The following MUS81 variants were observed in gnomAD, a reference collection of about 807,000 sequenced individuals.
MUS81 encodes the protein MUS81 structure-specific endonuclease subunit.
Under a neutral mutation model 74.2 loss-of-function variants are expected in MUS81, and 69 were observed. The observed-to-expected ratio is 0.93, with a 90% CI of 0.77 to 1.14. The LOEUF is 1.14. MUS81 is among the 50% of genes most tolerant of loss of function. The pLI is 0.00. For missense variants in MUS81, 711 were observed against 726.5 expected, an observed-to-expected ratio of 0.98 and a Z score of 0.25; for synonymous variants, 303 against 300.6, an observed-to-expected ratio of 1.01 and a Z score of -0.08.
downstream of MUS81, chr11:65,866,672 G>A: frequency 1.4e-6 from 1 of 704,734 alleles, no homozygotes; most frequent in Non-Finnish European, 2.6e-6. Flanking sequence ...TGAAGCTCGT[G>A]GTGCAGAGCT....
chr11:65,860,810 G>C lies in MUS81; in HGVS notation c.57G>C (p.Pro19=). The C allele has an allele frequency of 6.5e-7, 1 of 1,546,326 alleles. No individual in the cohort carries two copies. The highest frequency in any genetic ancestry group is 8.7e-7 in the Non-Finnish European group (1 of 1,148,816). The part of the protein sequence containing the change: ...RKRPLPACPN[P]LFVRWLTEWR... The stretch of plus-strand genomic sequence containing the variant: ...GCCCGCTGCCTGCCTGTCCCAACCC[G>C]CTCTTCGTTCGCTGGCTGACCGAGT... The change falls in exon 1 of 16, where the codon CCG becomes CCC. Residue 19 remains proline, a synonymous_variant. Transcript: ENST00000308110.
rs144545452 is a variant in MUS81, at chr11:65,861,906, C to T, written c.352-41C>T. The T allele has an allele frequency of 9.3e-5, 141 of 1,509,208 alleles. No individual in the cohort carries two copies. In the East Asian group the frequency reaches 3.2e-3, roughly 34 times the overall value. The allele number at this position is 1,509,208 out of a possible 1,614,324, so 93.5% of individuals were successfully genotyped here. A position where few individuals can be genotyped will look rare whatever the true frequency, so the allele number is the denominator to read the frequency against. On this transcript the variant is annotated intron_variant, in intron 3 of 15. Coordinates refer to ENST00000308110, the MANE Select transcript of MUS81 (RefSeq NM_025128.5). ...CTGCTGGGGACTTATTCAAAGATGACTGGCTGGCTTTCATGTTCAGAACTC... is the reference window on the plus strand; with the variant it reads ...CTGCTGGGGACTTATTCAAAGATGATTGGCTGGCTTTCATGTTCAGAACTC...
chr11:65,866,441 T>A, downstream of MUS81: 1 of 689,944 alleles, frequency 1.4e-6, no homozygotes. Flanking sequence ...TGAAAACCAC[T>A]AACAGTCCAG....
Position 65,865,994 on chromosome 11 carries a change from G to A in MUS81, c.1598G>A (p.Gly533Glu), listed in dbSNP as rs371206775. 2.5e-6 allele frequency: 4 copies of A among 1,613,934 alleles called. No homozygotes were observed. The highest frequency in any genetic ancestry group is 3.4e-6 in the Non-Finnish European group (4 of 1,179,980). Residue 533 changes from glycine (G) to glutamate (E), a missense_variant, in exon 16 of 16, where the codon GGG (glycine) becomes GAG (glutamate). Physicochemically the swap from Gly to Glu is moderately conservative, Grantham distance 98. Coordinates refer to ENST00000308110, the MANE Select transcript of MUS81 (RefSeq NM_025128.5). The part of the protein sequence containing the change: ...IKCGRLQRNL[G>E]PALSRTLSQL... Reference sequence around the variant, plus strand: ...TGCCTCTCTTCCTGCAGGAATCTGGGGCCTGCTCTGAGCAGGACCTTATCC... The same window carrying A: ...TGCCTCTCTTCCTGCAGGAATCTGGAGCCTGCTCTGAGCAGGACCTTATCC...
Position 65,863,786 on chromosome 11 carries a change from C to T in MUS81, c.962-18C>T, listed in dbSNP as rs374483741. ...TGGTGGGTAGGGGATCGCAAGCTAA[C>T]GGCTGGCTTGTCAGCAGCAAACCCT... On this transcript the variant is annotated intron_variant, in intron 9 of 15. Coordinates refer to ENST00000308110, the MANE Select transcript of MUS81 (RefSeq NM_025128.5). The T allele has an allele frequency of 6.3e-5, 101 of 1,614,014 alleles. No homozygotes were observed. In the African/African-American group the frequency reaches 6.7e-4, roughly 11 times the overall value.
At position 65,861,443 on chromosome 11, in the gene MUS81, A is replaced by G; in HGVS notation, c.351+8A>G. On this transcript the variant is annotated splice_region_variant and intron_variant, in intron 3 of 15. Transcript: ENST00000308110. ...CAGGACTCTTCCATGCCAGTGAGGA[A>G]GGGGCAAGGGGAGTGGAAGGCAAAG... 1 of 1,589,542 alleles carries G rather than the reference A, an allele frequency of 6.3e-7. No individual in the cohort carries two copies. Among genetic ancestry groups the G allele is most frequent in the Non-Finnish European group, 8.6e-7 (1 of 1,166,626 alleles).
Position 65,865,089 on chromosome 11 carries a change from C to T in MUS81, c.1345C>T (p.Pro449Ser), listed in dbSNP as rs1435673037. The T allele has an allele frequency of 6.2e-7, 1 of 1,614,162 alleles. No homozygotes were observed. Among genetic ancestry groups the T allele is most frequent in the Non-Finnish European group, 8.5e-7 (1 of 1,180,028 alleles). Residue 449 changes from proline to serine, a missense_variant, in exon 13 of 16, where the codon CCT (proline) becomes TCT (serine). Physicochemically the swap from Pro to Ser is moderately conservative, Grantham distance 74. Transcript: ENST00000308110. ...PESGAMTSPN[P>S]LCSLLTFSDF... The stretch of plus-strand genomic sequence containing the variant: ...ATCAGGGGCCATGACCTCTCCAAAC[C>T]CTCTCTGCTCACTCCTCACCTTCAG...
At chr11:65,862,934 G>A (rs1859668058) in intron 6 of MUS81, 131 bp from the exon 7 acceptor site, 1 of 1,143,234 alleles carries the variant, frequency 8.7e-7, no homozygotes, top group Non-Finnish European at 1.3e-6. Flanking sequence ...ACCAGGAGGA[G>A]CAGGAGCCAC....
At chr11:65,864,177 C>A (rs1006362058) in intron 10 of MUS81, 10 of 587,186 alleles carry the variant, frequency 1.7e-5, no homozygotes, top group Non-Finnish European at 2.7e-5. Flanking sequence ...AAGGCATAAA[C>A]CTCCAGGAGT....
chr11:65,865,066 CAG>C lies in MUS81; in HGVS notation c.1323_1324del (p.Ala443HisfsTer15), dbSNP rs1859770275. 2 of 1,613,998 alleles carry C rather than the reference CAG, an allele frequency of 1.2e-6. No homozygotes were observed. Among genetic ancestry groups the C allele is most frequent in the South Asian group, 1.1e-5 (1 of 91,088 alleles). ...TGGGGAACCCCTGGGAACCCTGAAT[CAG>C]GGGCCATGACCTCTCCAAACCCTCT... is the stretch of plus-strand genomic sequence containing the variant. On this transcript the variant is annotated frameshift_variant, in exon 13 of 16. Coordinates refer to ENST00000308110, the MANE Select transcript of MUS81 (RefSeq NM_025128.5). LOFTEE classifies it high-confidence loss of function.
At chr11:65,863,369 A>G in intron 7 of MUS81, 41 bp from the exon 8 acceptor site, 1 of 1,611,922 alleles carries the variant, frequency 6.2e-7, no homozygotes, top group South Asian at 1.1e-5. Context: ...CTGCCCTGGC[A>G]CAAGGGGTTC....
intron 2 of MUS81, 85 bp from the exon 3 acceptor site, chr11:65,861,265 C>CGTAA: frequency 6.5e-7 from 1 of 1,532,382 alleles, no homozygotes; most frequent in Non-Finnish European, 8.9e-7. Flanking sequence ...ACCGGTCTCA[C>CGTAA]GTAACCATCT....
downstream of MUS81, chr11:65,867,047 G>T: frequency 6.2e-7 from 1 of 1,614,174 alleles, no homozygotes; most frequent in Non-Finnish European, 8.5e-7. Context: ...CCGGCCGGGC[G>T]AGGACCAGCA....
chr11:65,867,063 C>T, downstream of MUS81: 2 of 1,614,134 alleles, frequency 1.2e-6, no homozygotes, highest in Non-Finnish European at 1.7e-6. Flanking sequence ...CAGCATGGCG[C>T]TGACGTTGTT....
At position 65,860,974 on chromosome 11, in the gene MUS81, C is replaced by T. The variant is rs766974550; in HGVS notation, c.137C>T (p.Ala46Val). ...GGTACCCTACCCCTGCCCGGCCAGG[C>T]GCTGCGTTCCCTCCGACGGTACCCA... is the stretch of plus-strand genomic sequence containing the variant. ...RRRTRFVFQKALRSLRRYPLP... is the reference protein window; with the variant it reads ...RRRTRFVFQKVLRSLRRYPLP... Residue 46 changes from alanine to valine, a missense_variant and splice_region_variant, in exon 2 of 16, where the codon GCG (alanine) becomes GTG (valine). Transcript: ENST00000308110. 1.2e-6 allele frequency: 2 copies of T among 1,611,598 alleles called. No homozygotes were observed. The highest frequency in any genetic ancestry group is 1.7e-5 in the Admixed American group (1 of 59,982).
intron 6 of MUS81, 101 bp downstream of exon 6, chr11:65,862,630 G>GC (rs1040978370): frequency 2.4e-5 from 27 of 1,132,760 alleles, no homozygotes; most frequent in East Asian, 1.7e-4. Flanking sequence ...TTGAGATTGG[G>GC]GGGGGTGGGC....
chr11:65,862,448 C>G lies in MUS81; in HGVS notation c.524C>G (p.Ala175Gly). ...QRCAQKSPRV[A>G]PGSARPWPAL... ...GGTCTCTTTTCTGATCCACAGGTAG[C>G]CCCTGGGAGTGCTCGACCCTGGCCA... Residue 175 changes from alanine to glycine, a missense_variant, in exon 6 of 16, where the codon GCC (alanine) becomes GGC (glycine). Transcript: ENST00000308110. 1.2e-6 allele frequency: 2 copies of G among 1,613,320 alleles called. No individual in the cohort carries two copies. Among genetic ancestry groups the G allele is most frequent in the Non-Finnish European group, 1.7e-6 (2 of 1,179,392 alleles).
Position 65,866,196 on chromosome 11 carries a change from C to T in MUS81, c.*144C>T, listed in dbSNP as rs944618018. The T allele has an allele frequency of 6.4e-6, 5 of 780,722 alleles. No individual in the cohort carries two copies. The African/African-American group carries it at 8.8e-5, about 14-fold the overall frequency. The allele number at this position is 780,722 out of a possible 1,614,324, so 48.4% of individuals were successfully genotyped here. A position where few individuals can be genotyped will look rare whatever the true frequency, so the allele number is the denominator to read the frequency against. On this transcript the variant is annotated 3_prime_UTR_variant, in exon 16 of 16. Transcript: ENST00000308110. ...TGTAGAAGATGCCTAGCCCTGGGGA[C>T]CTTGTGAAATACGCAGGAACCAGGG...
downstream of MUS81, chr11:65,867,074 G>T: frequency 6.2e-7 from 1 of 1,614,078 alleles, no homozygotes; most frequent in African/African-American, 1.3e-5. Context: ...TGACGTTGTT[G>T]ATTTGCTGCA....
Sources: gnomAD v4.1 joint callset for allele counts on GRCh38, gnomAD v4.1.1 for gene constraint, MANE v1.5 for transcripts, NCBI Gene and HGNC (gene_info 2026-07-23, HGNC 2026-07-21) for gene names.